TBCD: variants seen among roughly 807,000 people sequenced by gnomAD.
TBCD encodes the protein tubulin-specific chaperone D.
Under a neutral mutation model 169.3 loss-of-function variants are expected in TBCD, and 105 were observed. That is an observed-to-expected ratio of 0.62 (90% CI 0.53 to 0.73). The LOEUF (loss-of-function observed/expected upper bound fraction) is 0.73, where lower values mean the gene tolerates loss of function less well. Ranked by LOEUF, TBCD falls within the 30% of genes least tolerant of loss-of-function variation. TBCD has a pLI of 0.00. For synonymous variants in TBCD, 700 were observed against 643.9 expected (o/e 1.09, Z -1.32); for missense variants, 1,444 against 1,600.1 (o/e 0.90, Z 1.66).
intron 13 of TBCD, among the ~76,000 whole-genome samples, chr17:82,863,436 G>T (rs1307267037): frequency 6.6e-6 from 1 of 152,260 alleles, no homozygotes; most frequent in Admixed American, 6.5e-5. Flanking sequence ...CTCTCCGAGA[G>T]CGACGGCTTA....
At chr17:82,929,035 G>A (rs1170595077) in intron 30 of TBCD, 78 bp from the exon 31 acceptor site, 16 of 1,524,610 alleles carry the variant, frequency 1.0e-5, no homozygotes, top group East Asian at 7.1e-5. Flanking sequence ...GTCACGGCTC[G>A]GACCGCCTGT....
rs1221809583 is a variant in TBCD, at chr17:82,920,886, TG to T, written c.2101+271del. 6.7e-5 allele frequency: 32 copies of T among 476,480 alleles called. No homozygotes were observed. The highest frequency in any genetic ancestry group is 9.7e-5 in the Non-Finnish European group (26 of 267,370). The allele number at this position is 476,480 out of a possible 1,614,324, so 29.5% of individuals were successfully genotyped here. A position where few individuals can be genotyped will look rare whatever the true frequency, so the allele number is the denominator to read the frequency against. ...CTTCCATGCCCAGGGCCCGGCACTCTGGGTCAGTTCTTCTCCCAGGCAGACA... is the reference window on the plus strand; with the variant it reads ...CTTCCATGCCCAGGGCCCGGCACTCTGGTCAGTTCTTCTCCCAGGCAGACA... On this transcript the variant is annotated intron_variant, in intron 24 of 38. Transcript: ENST00000355528. The surrounding 1 kb of genome is among the most constrained non-coding windows in gnomAD (Gnocchi z 4.1).
chr17:82,853,393 C>A (rs1371985929), intron 13 of TBCD, among the ~76,000 whole-genome samples: 1 of 150,578 alleles, frequency 6.6e-6, no homozygotes, highest in South Asian at 2.1e-4. Context: ...TCCAGCAACA[C>A]CCCCCCTCCT....
intron 13 of TBCD, chr17:82,840,704 C>T (rs2054401956): frequency 6.6e-6 from 1 of 152,324 alleles, no homozygotes; most frequent in Admixed American, 6.5e-5. Flanking sequence ...CACCCTCCCC[C>T]CACTTTAAAT....
rs766382377 is a variant in TBCD at position 82,920,294 on chromosome 17, T to C, written c.2039-262T>C. On this transcript the variant is annotated intron_variant, in intron 23 of 38. Coordinates refer to ENST00000355528, the MANE Select transcript of TBCD (RefSeq NM_005993.5). The surrounding 1 kb of genome is among the most constrained non-coding windows in gnomAD (Gnocchi z 4.1). ...CGGCCCGGCTTCTCTGAAGTGCACG[T>C]GGGCTCACACATGGGCCTTCTGCCA... Among the ~76,000 whole-genome samples the C allele has an allele frequency of 6.6e-6, 1 of 152,258 alleles. No individual in the cohort carries two copies. The highest frequency in any genetic ancestry group is 1.5e-5 in the Non-Finnish European group (1 of 68,038).
chr17:82,771,307 C>T (rs2048301597), intron 5 of TBCD, among the ~76,000 whole-genome samples: 3 of 152,030 alleles, frequency 2.0e-5, no homozygotes, highest in Non-Finnish European at 4.4e-5. Context: ...GACTCAGTCT[C>T]TACCAAAAAA....
At chr17:82,771,861 T>C (rs2048327130) in intron 5 of TBCD, among the ~76,000 whole-genome samples, 1 of 151,684 alleles carries the variant, frequency 6.6e-6, no homozygotes, top group South Asian at 2.1e-4. Context: ...GAGGCGGAGC[T>C]TGCAGTGAGC....
At position 82,850,080 on chromosome 17, in the gene TBCD, G is replaced by C. The variant is rs190228571; in HGVS notation, c.1319-20144G>C. On this transcript the variant is annotated intron_variant, in intron 13 of 38. Transcript: ENST00000355528. ...TGGCTGTGCTGCTGTTGGCTGTGCT[G>C]TGCTGCTGTTGGCTGTGCTGCTGTT... is the stretch of plus-strand genomic sequence containing the variant. Among the ~76,000 whole-genome samples the C allele has an allele frequency of 7.4e-3, 256 of 34,638 alleles. 45 individuals are homozygous for C. The highest frequency in any genetic ancestry group is 0.024 in the African/African-American group (238 of 9,962). 22.7% of individuals were successfully genotyped at this position (34,638 alleles called of 152,430 possible). A position where few individuals can be genotyped will look rare whatever the true frequency, so the allele number is the denominator to read the frequency against.
chr17:82,780,257 G>A (rs548256773), intron 6 of TBCD, among the ~76,000 whole-genome samples: 156 of 152,232 alleles, frequency 1.0e-3, no homozygotes, highest in African/African-American at 3.0e-3. Context: ...CGTGGCTTCC[G>A]TCCTCTCTCT....
At chr17:82,917,907 GTCTTCGTGAGC>G (rs1324831195) in intron 23 of TBCD, among the ~76,000 whole-genome samples, 17 of 152,230 alleles carry the variant, frequency 1.1e-4, no homozygotes, top group African/African-American at 3.9e-4. Flanking sequence ...TCCCTCTCAG[GTCTTCGTGAGC>G]TCTCTGGTAA....
rs1464734922 is a variant in TBCD, at chr17:82,806,641, G to C, written c.1087+630G>C. Among the ~76,000 whole-genome samples the C allele has an allele frequency of 6.6e-6, 1 of 152,044 alleles. No homozygotes were observed. The highest frequency in any genetic ancestry group is 1.9e-4 in the East Asian group (1 of 5,158). On this transcript the variant is annotated intron_variant, in intron 10 of 38. Coordinates refer to ENST00000355528, the MANE Select transcript of TBCD (RefSeq NM_005993.5). This position sits in a 1 kb window ranked among gnomAD's most constrained non-coding sequence, Gnocchi z 5.1. ...GCCCCCATCCTCCCAGTATCTCCCA[G>C]CTTCCTGATGGGCAGGCGGGGCCAC... is the stretch of plus-strand genomic sequence containing the variant.
chr17:82,887,168 T>TGTGTGTGTGTGTGTGTGCGC, intron 15 of TBCD, among the ~76,000 whole-genome samples: 24 of 126,192 alleles, frequency 1.9e-4, no homozygotes, highest in East Asian at 6.7e-4. Flanking sequence ...TGTGTGTGTG[T>TGTGTGTGTGTGTGTGTGCGC]GCGCGCGCGC....
intron 12 of TBCD, among the ~76,000 whole-genome samples, chr17:82,810,576 C>T (rs576063815): frequency 1.8e-4 from 28 of 152,274 alleles, no homozygotes; most frequent in Admixed American, 1.4e-3. Context: ...GGTGGCAGGG[C>T]CTGGGATTTC....
rs73368923 is a variant in TBCD, at chr17:82,930,372, G to A, written c.2992-150G>A. 0.031 allele frequency: 37,364 copies of A among 1,190,504 alleles called. 820 individuals are homozygous for A. The highest frequency in any genetic ancestry group is 0.079 in the South Asian group (4,955 of 62,892). The allele number at this position is 1,190,504 out of a possible 1,614,324, so 73.7% of individuals were successfully genotyped here. A position where few individuals can be genotyped will look rare whatever the true frequency, so the allele number is the denominator to read the frequency against. On this transcript the variant is annotated intron_variant, in intron 32 of 38. Coordinates refer to ENST00000355528, the MANE Select transcript of TBCD (RefSeq NM_005993.5). The surrounding 1 kb of genome is among the most constrained non-coding windows in gnomAD (Gnocchi z 5.2). ...GCACTGTGAGTGGCTCCGTGCTGGC[G>A]TCCGCACCAGCCGCTTGGGGCCAGA...
intron 2 of TBCD, among the ~76,000 whole-genome samples, chr17:82,757,709 T>A (rs2047478866): frequency 6.6e-6 from 1 of 151,128 alleles, no homozygotes; most frequent in African/African-American, 2.4e-5. Flanking sequence ...CCTAGAAAAA[T>A]TTATAGGCCT....
At chr17:82,777,688 G>T (rs1407415423) in intron 6 of TBCD, among the ~76,000 whole-genome samples, 1 of 152,254 alleles carries the variant, frequency 6.6e-6, no homozygotes, top group Non-Finnish European at 1.5e-5. Flanking sequence ...AGAGCCAGGT[G>T]TACAGGATGG....
chr17:82,764,857 GCTCATAGTC>G (rs1266838760), intron 3 of TBCD, among the ~76,000 whole-genome samples: 24 of 542 alleles, frequency 0.044, no homozygotes, highest in African/African-American at 0.087. Context: ...GGGTGTCTGT[GCTCATAGTC>G]TGCTTTTCTT....
At chr17:82,914,816 C>T (rs2060912212) in intron 23 of TBCD, among the ~76,000 whole-genome samples, 1 of 152,184 alleles carries the variant, frequency 6.6e-6, no homozygotes, top group Admixed American at 6.5e-5. Flanking sequence ...GTTTTTTTCT[C>T]CTCCTCGTTC....
intron 13 of TBCD, among the ~76,000 whole-genome samples, chr17:82,851,530 T>C (rs1228519220): frequency 2.0e-5 from 3 of 151,982 alleles, no homozygotes; most frequent in Non-Finnish European, 2.9e-5. Context: ...GGGCCCGAGG[T>C]TCTCTCTGGC....
Sources: allele counts gnomAD v4.1 joint callset (sites outside exome capture counted in the v4.1 genomes callset), GRCh38; gene constraint gnomAD v4.1.1; non-coding constraint Gnocchi (gnomAD v3.1); transcripts MANE v1.5; gene names NCBI Gene and HGNC (gene_info 2026-07-23, HGNC 2026-07-21).